CSMD1: variants seen among roughly 807,000 people sequenced by gnomAD.
CSMD1 encodes the protein CUB and Sushi multiple domains 1.
A neutral mutation model predicts 417.5 loss-of-function variants in CSMD1; 213 were observed. The observed-to-expected ratio is 0.51, with a 90% CI of 0.46 to 0.57. The LOEUF (loss-of-function observed/expected upper bound fraction) is 0.57, where lower values mean the gene tolerates loss of function less well. CSMD1 is among the 20% of genes least tolerant of loss of function. CSMD1 has a pLI of 0.00. For missense variants in CSMD1, 6,923 were observed against 4,529.7 expected (o/e 1.53, Z -15.17); for synonymous variants, 2,862 against 1,736.8 (o/e 1.65, Z -16.11).
chr8:4,114,026 A>G (rs954210255), intron 3 of CSMD1, among the ~76,000 whole-genome samples: 1 of 152,214 alleles, frequency 6.6e-6, no homozygotes, highest in Non-Finnish European at 1.5e-5. Flanking sequence ...CAGAACATCT[A>G]AGATCATTGA....
intron 2 of CSMD1, among the ~76,000 whole-genome samples, chr8:4,546,088 G>C (rs752273588): frequency 6.6e-6 from 1 of 152,056 alleles, no homozygotes; most frequent in African/African-American, 2.4e-5. Flanking sequence ...CCTCACCCAG[G>C]TATAAATGGA....
chr8:4,727,208 G>A lies in CSMD1; in HGVS notation c.86-89650C>T, dbSNP rs530830216. ...TCTCTCTGAGAAAGGACTGATCAAT[G>A]ATGAAGAGTCCACTCAGCAGGGCAC... On this transcript the variant is annotated intron_variant, in intron 1 of 69. Transcript: ENST00000635120. 3.3e-3 allele frequency among the ~76,000 whole-genome samples: 505 copies of A among 152,230 alleles called. 2 individuals are homozygous for A. Among genetic ancestry groups the A allele is most frequent in the Middle Eastern group, 0.014 (4 of 294 alleles).
chr8:4,082,479 A>C (rs1800190060), intron 3 of CSMD1, among the ~76,000 whole-genome samples: 1 of 152,198 alleles, frequency 6.6e-6, no homozygotes, highest in Non-Finnish European at 1.5e-5. Context: ...TAGGAGATTA[A>C]CGTAATTTTG....
intron 6 of CSMD1, among the ~76,000 whole-genome samples, chr8:3,734,053 G>C (rs1425880621): frequency 7.6e-6 from 1 of 131,290 alleles, no homozygotes; most frequent in Non-Finnish European, 1.8e-5. Flanking sequence ...AATGCAAGCT[G>C]TTTAAAAATA....
At chr8:4,736,230 T>C (rs1205509456) in intron 1 of CSMD1, among the ~76,000 whole-genome samples, 1 of 152,132 alleles carries the variant, frequency 6.6e-6, no homozygotes, top group African/African-American at 2.4e-5. Context: ...TGTAAAAAAT[T>C]TAAAAAGAGA....
chr8:3,831,531 G>A (rs1350727479), intron 5 of CSMD1, among the ~76,000 whole-genome samples: 1 of 152,062 alleles, frequency 6.6e-6, no homozygotes, highest in Non-Finnish European at 1.5e-5. Flanking sequence ...AGAACAGGCT[G>A]GAGGAAAATG....
At chr8:3,233,079 T>C (rs73185511) in intron 26 of CSMD1, among the ~76,000 whole-genome samples, 11,289 of 138,036 alleles carry the variant, frequency 0.082, 591 homozygotes, top group Non-Finnish European at 0.12. Flanking sequence ...TTGCTTATTA[T>C]GTTTTCTTTT....
chr8:4,590,112 G>A (rs1247354094), intron 2 of CSMD1, among the ~76,000 whole-genome samples: 1 of 151,788 alleles, frequency 6.6e-6, no homozygotes, highest in Non-Finnish European at 1.5e-5. Flanking sequence ...GGTTTATTTA[G>A]AATAACATGC....
chr8:4,022,608 G>A (rs1267631839), intron 4 of CSMD1, among the ~76,000 whole-genome samples: 1 of 152,148 alleles, frequency 6.6e-6, no homozygotes, highest in African/African-American at 2.4e-5. Flanking sequence ...TTACTGCTTT[G>A]CGACAGTCCT....
intron 25 of CSMD1, among the ~76,000 whole-genome samples, chr8:3,293,400 G>T (rs1803723770): frequency 6.6e-6 from 1 of 152,122 alleles, no homozygotes; most frequent in African/African-American, 2.4e-5. Context: ...AATTTCTCCT[G>T]GTTAATATCC....
chr8:3,479,606 C>A (rs76456683), intron 11 of CSMD1, among the ~76,000 whole-genome samples: 7 of 152,142 alleles, frequency 4.6e-5, no homozygotes, highest in Non-Finnish European at 1.0e-4. Context: ...GGCATAAATG[C>A]CATTACTTTC....
chr8:4,264,222 T>G (rs1435519233), intron 3 of CSMD1, among the ~76,000 whole-genome samples: 1 of 152,222 alleles, frequency 6.6e-6, no homozygotes, highest in East Asian at 1.9e-4. Context: ...CAATTAATTA[T>G]TAGAATTTCC....
chr8:4,963,498 C>A (rs1266248350), intron 1 of CSMD1, among the ~76,000 whole-genome samples: 2 of 152,284 alleles, frequency 1.3e-5, no homozygotes, highest in African/African-American at 4.8e-5. Flanking sequence ...CCATGCCTGG[C>A]CCCTCATTCA....
intron 1 of CSMD1, among the ~76,000 whole-genome samples, chr8:4,695,591 TC>T (rs951924641): frequency 1.3e-5 from 2 of 151,596 alleles, no homozygotes; most frequent in Non-Finnish European, 2.9e-5. Flanking sequence ...CTGTCCCCTA[TC>T]CCCCCCACCA....
intron 10 of CSMD1, among the ~76,000 whole-genome samples, chr8:3,506,276 A>T (rs1333819180): frequency 6.6e-6 from 1 of 152,200 alleles, no homozygotes; most frequent in Admixed American, 6.5e-5. Context: ...TCTGTCACAG[A>T]CACTACTTAA....
intron 41 of CSMD1, among the ~76,000 whole-genome samples, chr8:3,141,987 C>T (rs549386418): frequency 3.9e-5 from 6 of 152,088 alleles, no homozygotes; most frequent in Admixed American, 2.6e-4. Flanking sequence ...TTAGTAGAGA[C>T]GGGGTTTCAC....
intron 1 of CSMD1, among the ~76,000 whole-genome samples, chr8:4,868,626 T>C (rs1367623649): frequency 6.6e-6 from 1 of 152,104 alleles, no homozygotes; most frequent in Non-Finnish European, 1.5e-5. Flanking sequence ...TGTTCAATCA[T>C]CTACTTAATT....
chr8:3,853,220 G>C (rs571855097), intron 5 of CSMD1, among the ~76,000 whole-genome samples: 41 of 152,108 alleles, frequency 2.7e-4, no homozygotes, highest in Non-Finnish European at 5.0e-4. Context: ...AGTCTTCTTT[G>C]TTGGTTCTTC....
At chr8:3,852,113 T>C (rs754671487) in intron 5 of CSMD1, among the ~76,000 whole-genome samples, 2 of 152,050 alleles carry the variant, frequency 1.3e-5, no homozygotes, top group African/African-American at 2.4e-5. Flanking sequence ...GAGGCTCAGG[T>C]TGTTGCAAAA....
Sources: allele counts gnomAD v4.1 joint callset (sites outside exome capture counted in the v4.1 genomes callset), GRCh38; gene constraint gnomAD v4.1.1; transcripts MANE v1.5; gene names NCBI Gene and HGNC (gene_info 2026-07-23, HGNC 2026-07-21).